SKAP2: variants seen among roughly 807,000 people sequenced by gnomAD.
SKAP2 encodes src kinase associated phosphoprotein 2, also known as src kinase-associated phosphoprotein 2.
Under a neutral mutation model 54.9 loss-of-function variants are expected in SKAP2, and 28 were observed. The observed-to-expected ratio is 0.51, with a 90% CI of 0.38 to 0.70. SKAP2 has a LOEUF of 0.70. Among genes scored for constraint, SKAP2 ranks in the 30% least tolerant of loss-of-function variants. The pLI is 0.00. For missense variants in SKAP2, 356 were observed against 424.1 expected (o/e 0.84, Z 1.41); for synonymous variants, 137 against 134.3 (o/e 1.02, Z -0.14).
chr7:26,735,018 T>G (rs1787894899), intron 6 of SKAP2, among the ~76,000 whole-genome samples: 1 of 152,156 alleles, frequency 6.6e-6, no homozygotes, highest in Non-Finnish European at 1.5e-5. Context: ...TTCCCTCCTT[T>G]GTGATCCAAA....
chr7:26,659,442 A>G, the SKAP2 span, among the ~76,000 whole-genome samples: 16,308 of 152,206 alleles, frequency 0.11, 1,111 homozygotes, highest in African/African-American at 0.19. Flanking sequence ...ATGAAAACAA[A>G]AACACCAACA....
At chr7:26,736,832 T>G (rs543839668) in intron 6 of SKAP2, among the ~76,000 whole-genome samples, 8 of 152,032 alleles carry the variant, frequency 5.3e-5, no homozygotes, top group African/African-American at 1.9e-4. Flanking sequence ...GAATTCAAGA[T>G]TGCAGTAAGC....
chr7:26,703,172 A>G (rs73075594), intron 9 of SKAP2, among the ~76,000 whole-genome samples: 1 of 152,232 alleles, frequency 6.6e-6, no homozygotes, highest in Non-Finnish European at 1.5e-5. Context: ...GCCACCCCAG[A>G]AGAAGAAGAA....
chr7:26,811,531 C>T (rs1276405957), intron 4 of SKAP2, among the ~76,000 whole-genome samples: 1 of 152,132 alleles, frequency 6.6e-6, no homozygotes, highest in Non-Finnish European at 1.5e-5. Flanking sequence ...ACAAATGGAC[C>T]TATATGTAAA....
At chr7:26,854,077 C>A (rs2127998501) in intron 3 of SKAP2, 60 bp downstream of exon 3, 2 of 1,106,714 alleles carry the variant, frequency 1.8e-6, no homozygotes. Flanking sequence ...GTTAGATTAT[C>A]CTATTGAAAA....
At chr7:26,790,945 T>G (rs1783661638) in intron 4 of SKAP2, among the ~76,000 whole-genome samples, 1 of 152,186 alleles carries the variant, frequency 6.6e-6, no homozygotes, top group Admixed American at 6.5e-5. Context: ...ATATTTTTAA[T>G]AGTCAAATAT....
intron 9 of SKAP2, among the ~76,000 whole-genome samples, chr7:26,701,543 A>C (rs1214123333): frequency 1.3e-5 from 2 of 151,786 alleles, no homozygotes; most frequent in Non-Finnish European, 2.9e-5. Flanking sequence ...AACCAGCCTG[A>C]CCAATATGGT....
chr7:26,847,009 AAT>A (rs1186938885), intron 3 of SKAP2, among the ~76,000 whole-genome samples: 1 of 152,152 alleles, frequency 6.6e-6, no homozygotes, highest in African/African-American at 2.4e-5. Flanking sequence ...TCAAAATAAA[AAT>A]AAAACGCTTT....
chr7:26,776,607 G>A (rs74967080), intron 4 of SKAP2, among the ~76,000 whole-genome samples: 2,432 of 151,980 alleles, frequency 0.016, 65 homozygotes, highest in African/African-American at 0.056. Flanking sequence ...CTCTATCTCC[G>A]AAATATCTGA....
At position 26,755,873 on chromosome 7, in the gene SKAP2, C is replaced by G. The variant is rs180821112; in HGVS notation, c.308-15909G>C. On this transcript the variant is annotated intron_variant, in intron 4 of 12. Coordinates refer to ENST00000345317, the MANE Select transcript of SKAP2 (RefSeq NM_003930.5). ...CCGTTTTGGGGAGTATAGCTTAATA[C>G]AGCTTTGTGGATGAAAATTTGACAA... Among the ~76,000 whole-genome samples the G allele has an allele frequency of 9.4e-4, 143 of 152,294 alleles. 1 individual carries two copies. Among genetic ancestry groups the G allele is most frequent in the African/African-American group, 3.3e-3 (138 of 41,566 alleles).
At chr7:26,710,005 A>G (rs1787264356) in intron 9 of SKAP2, among the ~76,000 whole-genome samples, 2 of 152,176 alleles carry the variant, frequency 1.3e-5, no homozygotes. Context: ...TCAATATACC[A>G]CTGATAGTAT....
chr7:26,703,150 T>A (rs905519322), intron 9 of SKAP2, among the ~76,000 whole-genome samples: 1 of 152,226 alleles, frequency 6.6e-6, no homozygotes, highest in South Asian at 2.1e-4. Context: ...TCCAACCTTT[T>A]GGCTTCTCTG....
At chr7:26,762,198 G>A (rs913898870) in intron 4 of SKAP2, among the ~76,000 whole-genome samples, 1 of 152,042 alleles carries the variant, frequency 6.6e-6, no homozygotes, top group Non-Finnish European at 1.5e-5. Context: ...GAGCCTAGGA[G>A]GTCAAGGCTC....
chr7:26,678,275 T>A (rs749994598), intron 11 of SKAP2, among the ~76,000 whole-genome samples: 14 of 152,198 alleles, frequency 9.2e-5, no homozygotes, highest in Middle Eastern at 6.8e-3. Flanking sequence ...TATAGCAAAG[T>A]ATTATGGCAA....
At chr7:26,718,656 C>G (rs1787513829) in intron 9 of SKAP2, among the ~76,000 whole-genome samples, 1 of 152,052 alleles carries the variant, frequency 6.6e-6, no homozygotes, top group South Asian at 2.1e-4. Flanking sequence ...CAGGCACGTG[C>G]CACCACGCCC....
chr7:26,670,209 T>C lies in SKAP2; in HGVS notation c.988-17A>G, dbSNP rs144304492. 751 of 1,183,432 alleles carry C rather than the reference T, an allele frequency of 6.3e-4. 6 individuals carry two copies. The African/African-American group carries it at 7.8e-3, about 12-fold the overall frequency. 73.3% of individuals were successfully genotyped at this position (1,183,432 alleles called of 1,614,324 possible). ...ATTGTATTCCTAATTGAAAACAATA[T>C]GCAATATTAACCTTTAGACTGGTGT... is the stretch of plus-strand genomic sequence containing the variant. On this transcript the variant is annotated splice_polypyrimidine_tract_variant and intron_variant, in intron 11 of 12. Coordinates refer to ENST00000345317, the MANE Select transcript of SKAP2 (RefSeq NM_003930.5).
intron 4 of SKAP2, among the ~76,000 whole-genome samples, chr7:26,820,064 T>C (rs946725303): frequency 6.6e-6 from 1 of 152,188 alleles, no homozygotes; most frequent in African/African-American, 2.4e-5. Flanking sequence ...ATGCCTATAG[T>C]CCCAGCTACT....
chr7:26,787,263 C>T (rs150669196), intron 4 of SKAP2, among the ~76,000 whole-genome samples: 265 of 151,706 alleles, frequency 1.7e-3, no homozygotes, highest in African/African-American at 6.0e-3. Context: ...CTTACGGTTC[C>T]GCAGGCTGTG....
chr7:26,728,271 T>G (rs1787750054), intron 6 of SKAP2, among the ~76,000 whole-genome samples: 1 of 152,176 alleles, frequency 6.6e-6, no homozygotes. Context: ...TTAATAGGTT[T>G]CTGTGATCAA....
Sources: allele counts gnomAD v4.1 joint callset (sites outside exome capture counted in the v4.1 genomes callset), GRCh38; gene constraint gnomAD v4.1.1; transcripts MANE v1.5; gene names NCBI Gene and HGNC (gene_info 2026-07-23, HGNC 2026-07-21).